SPPL3: variants seen among roughly 807,000 people sequenced by gnomAD.
The protein encoded by SPPL3 is signal peptide peptidase like 3, also known as signal peptide peptidase-like 3.
SPPL3 carries 5 observed loss-of-function variants against 42.4 expected under a neutral mutation model. That is an observed-to-expected ratio of 0.12 (90% confidence interval 0.06 to 0.25). The LOEUF (loss-of-function observed/expected upper bound fraction) is 0.25, where lower values mean the gene tolerates loss of function less well. Ranked by LOEUF, SPPL3 falls within the 10% of genes least tolerant of loss-of-function variation. The pLI is 1.00. For synonymous variants in SPPL3, 195 were observed against 181.8 expected (o/e 1.07, Z -0.58); for missense variants, 235 against 489.0 (o/e 0.48, Z 4.90).
chr12:120,774,254 C>G (rs1244082022), intron 6 of SPPL3, among the ~76,000 whole-genome samples: 1 of 152,184 alleles, frequency 6.6e-6, no homozygotes, highest in East Asian at 1.9e-4. Context: ...TCCTACTTTG[C>G]TGTGTCTCCT....
At chr12:120,853,976 G>GCATACACACACA in intron 1 of SPPL3, among the ~76,000 whole-genome samples, 1 of 64,198 alleles carries the variant, frequency 1.6e-5, no homozygotes, top group African/African-American at 6.9e-5. Flanking sequence ...CCACACACAC[G>GCATACACACACA]CACACATACA....
intron 2 of SPPL3, among the ~76,000 whole-genome samples, chr12:120,800,746 T>C (rs1019683709): frequency 1.3e-5 from 2 of 152,088 alleles, no homozygotes; most frequent in African/African-American, 4.8e-5. Flanking sequence ...GATACTTACA[T>C]AGAACCTACA....
At chr12:120,774,651 C>T (rs1039341199) in intron 6 of SPPL3, among the ~76,000 whole-genome samples, 1 of 152,028 alleles carries the variant, frequency 6.6e-6, no homozygotes, top group Non-Finnish European at 1.5e-5. Flanking sequence ...AAATACCACT[C>T]TGACCCAGCG....
At chr12:120,882,208 A>T (rs1349666082) in intron 1 of SPPL3, among the ~76,000 whole-genome samples, 4 of 152,110 alleles carry the variant, frequency 2.6e-5, no homozygotes, top group Non-Finnish European at 5.9e-5. Flanking sequence ...ATCAGATTGA[A>T]TAAACAGTAT....
chr12:120,856,111 T>C (rs1948476390), intron 1 of SPPL3, among the ~76,000 whole-genome samples: 1 of 152,174 alleles, frequency 6.6e-6, no homozygotes, highest in South Asian at 2.1e-4. Context: ...AGGAACTTAA[T>C]CTGTAGTTGT....
chr12:120,863,773 C>G (rs1356584366), intron 1 of SPPL3, among the ~76,000 whole-genome samples: 2 of 150,590 alleles, frequency 1.3e-5, no homozygotes, highest in African/African-American at 4.9e-5. Flanking sequence ...TCCCAAGTAG[C>G]TAGGCCCACA....
chr12:120,780,625 C>T (rs1209863689), intron 6 of SPPL3, among the ~76,000 whole-genome samples: 5 of 149,548 alleles, frequency 3.3e-5, no homozygotes, highest in South Asian at 4.2e-4. Context: ...TGGTGGCTCA[C>T]GCCTGTAATC....
At position 120,767,386 on chromosome 12, in the gene SPPL3, T is replaced by C; in HGVS notation, c.973+8A>G. Reference sequence around the variant, plus strand: ...GAGGATCATCTGCAGTCTCTCTGGTTCTCTTACCTACAAAGTATCCGATGA... The same window carrying C: ...GAGGATCATCTGCAGTCTCTCTGGTCCTCTTACCTACAAAGTATCCGATGA... On this transcript the variant is annotated splice_region_variant and intron_variant, in intron 9 of 10. Coordinates refer to ENST00000353487, the MANE Select transcript of SPPL3 (RefSeq NM_139015.5). The C allele has an allele frequency of 6.2e-7, 1 of 1,610,968 alleles. No homozygotes were observed. Among genetic ancestry groups the C allele is most frequent in the Non-Finnish European group, 8.5e-7 (1 of 1,179,844 alleles).
intron 1 of SPPL3, among the ~76,000 whole-genome samples, chr12:120,822,514 T>C (rs752218819): frequency 1.3e-5 from 2 of 152,186 alleles, no homozygotes; most frequent in African/African-American, 2.4e-5. Context: ...CAGATTGACA[T>C]TTAGTTATTT....
intron 2 of SPPL3, among the ~76,000 whole-genome samples, chr12:120,796,062 T>A (rs1243618668): frequency 6.6e-6 from 1 of 152,212 alleles, no homozygotes; most frequent in East Asian, 1.9e-4. Context: ...TTCTGAAAGT[T>A]TGATTTCGTT....
intron 2 of SPPL3, among the ~76,000 whole-genome samples, chr12:120,799,571 A>G (rs1870219800): frequency 6.6e-6 from 1 of 152,094 alleles, no homozygotes; most frequent in Non-Finnish European, 1.5e-5. Flanking sequence ...GTACTATCAG[A>G]TGGTGGGGGA....
chr12:120,898,300 T>TTG (rs1334086246), intron 1 of SPPL3, among the ~76,000 whole-genome samples: 3 of 97,708 alleles, frequency 3.1e-5, no homozygotes, highest in African/African-American at 1.1e-4. Context: ...GACTCTGTTT[T>TTG]TTTTTTTTTT....
intron 1 of SPPL3, among the ~76,000 whole-genome samples, chr12:120,840,763 C>T (rs1256438955): frequency 2.6e-5 from 4 of 151,848 alleles, no homozygotes; most frequent in Admixed American, 1.3e-4. Flanking sequence ...GCTTGGGAGG[C>T]GGAGGTTGCA....
intron 1 of SPPL3, among the ~76,000 whole-genome samples, chr12:120,892,483 GGAA>G (rs1187048475): frequency 6.6e-6 from 1 of 152,016 alleles, no homozygotes; most frequent in African/African-American, 2.4e-5. Context: ...TTAGAGACTT[GGAA>G]GAAGGGCAAA....
chr12:120,767,983 C>T (rs1463613551), intron 8 of SPPL3, among the ~76,000 whole-genome samples: 1 of 152,180 alleles, frequency 6.6e-6, no homozygotes, highest in African/African-American at 2.4e-5. Flanking sequence ...GATTATATTA[C>T]CAGGAGTTGT....
chr12:120,771,709 G>T (rs1220682940), intron 6 of SPPL3, among the ~76,000 whole-genome samples: 1 of 152,118 alleles, frequency 6.6e-6, no homozygotes, highest in Admixed American at 6.5e-5. Flanking sequence ...TGCAAACACA[G>T]GTTTGATGAG....
At chr12:120,787,386 C>CTTAAA (rs1206607767) in intron 3 of SPPL3, among the ~76,000 whole-genome samples, 1 of 152,066 alleles carries the variant, frequency 6.6e-6, no homozygotes, top group Non-Finnish European at 1.5e-5. Context: ...CTTAATACTA[C>CTTAAA]TTAAATGAAG....
chr12:120,874,452 C>CAAAAAAAAAAAAAAAA (rs71076673), intron 1 of SPPL3, among the ~76,000 whole-genome samples: 2 of 97,436 alleles, frequency 2.1e-5, no homozygotes, highest in African/African-American at 4.4e-5. Context: ...GACCCTGTCG[C>CAAAAAAAAAAAAAAAA]AAAAAAAAAA....
Position 120,803,025 on chromosome 12 carries a change from T to C in SPPL3, c.101+7784A>G, listed in dbSNP as rs183887123. Among the ~76,000 whole-genome samples the C allele has an allele frequency of 3.3e-5, 5 of 152,346 alleles. No homozygotes were observed. The South Asian group carries it at 8.3e-4, about 25-fold the overall frequency. Reference sequence around the variant, plus strand: ...TGTGAGATGAATGAACTTAACATTATATCCTCTTTATGAAGGTCGTTAGGA... The same window carrying C: ...TGTGAGATGAATGAACTTAACATTACATCCTCTTTATGAAGGTCGTTAGGA... On this transcript the variant is annotated intron_variant, in intron 2 of 10. Coordinates refer to ENST00000353487, the MANE Select transcript of SPPL3 (RefSeq NM_139015.5).
Sources: allele counts gnomAD v4.1 joint callset (sites outside exome capture counted in the v4.1 genomes callset), GRCh38; gene constraint gnomAD v4.1.1; transcripts MANE v1.5; gene names NCBI Gene and HGNC (gene_info 2026-07-23, HGNC 2026-07-21).